Variants in NOTCH2NLC observed in about 807,000 individuals in gnomAD.
The protein encoded by NOTCH2NLC is notch 2 N-terminal like C, also known as notch homolog 2 N-terminal-like protein C.
NOTCH2NLC carries 4 observed loss-of-function variants against 17.7 expected under a neutral mutation model. The ratio of observed to expected loss-of-function variants is 0.23; its 90% CI spans 0.11 to 0.52. NOTCH2NLC has a LOEUF of 0.52. Among genes scored for constraint, NOTCH2NLC ranks in the 20% least tolerant of loss-of-function variants. The probability of loss-of-function intolerance (pLI) is 0.96; values close to 1 mark genes in which losing one functional copy is unlikely to be tolerated. For missense variants in NOTCH2NLC, 57 were observed against 207.2 expected, an observed-to-expected ratio of 0.28 and a Z score of 4.45; for synonymous variants, 18 against 86.0, an observed-to-expected ratio of 0.21 and a Z score of 4.38.
intron 1 of NOTCH2NLC, among the ~76,000 whole-genome samples, chr1:149,396,143 G>A (rs2084207326): frequency 6.9e-6 from 1 of 145,504 alleles, no homozygotes. Flanking sequence ...TTCCTTTGAA[G>A]AGATAGGATC....
rs2084674250 is a variant in NOTCH2NLC, at chr1:149,464,645, AATG to A, written c.*497_*499del. 1.3e-5 allele frequency: 2 copies of A among 149,038 alleles called. No individual in the cohort carries two copies. Among genetic ancestry groups the A allele is most frequent in the Middle Eastern group, 3.6e-3 (1 of 274 alleles). The allele number at this position is 149,038 out of a possible 1,614,324, so 9.2% of individuals were successfully genotyped here. Reference sequence around the variant, plus strand: ...GCCAATTCATTCAACTCCTTATAAAAATGATGAGGAGGCTGAAAACCAAGAATT... The same window carrying A: ...GCCAATTCATTCAACTCCTTATAAAAATGAGGAGGCTGAAAACCAAGAATT... On this transcript the variant is annotated 3_prime_UTR_variant, in exon 5 of 5. Coordinates refer to ENST00000650865, the MANE Select transcript of NOTCH2NLC (RefSeq NM_001364013.2).
At chr1:149,446,149 C>T (rs2084551901) in intron 2 of NOTCH2NLC, among the ~76,000 whole-genome samples, 1 of 94,698 alleles carries the variant, frequency 1.1e-5, no homozygotes, top group African/African-American at 4.2e-5. Flanking sequence ...CGTGAAAGAA[C>T]AAATTTTTCT....
Position 149,407,229 on chromosome 1 carries a change from G to T in NOTCH2NLC, c.135+16307G>T, listed in dbSNP as rs2084276546. Reference sequence around the variant, plus strand: ...AGGTTTAAAATGTTAGAAGCAGTTGGTTTTCAGCATTGGGAAAGCTTATCT... The same window carrying T: ...AGGTTTAAAATGTTAGAAGCAGTTGTTTTTCAGCATTGGGAAAGCTTATCT... On this transcript the variant is annotated intron_variant, in intron 1 of 4. Transcript: ENST00000650865. Among the ~76,000 whole-genome samples, 3 of 146,444 alleles carry T rather than the reference G, an allele frequency of 2.0e-5. No homozygotes were observed. In the Admixed American group the frequency reaches 2.1e-4, roughly 10 times the overall value.
chr1:149,460,566 T>A (rs1200280241), intron 3 of NOTCH2NLC, among the ~76,000 whole-genome samples: 1 of 150,034 alleles, frequency 6.7e-6, no homozygotes, highest in Non-Finnish European at 1.5e-5. Flanking sequence ...CTGGATCGCC[T>A]GACCTCATGA....
At chr1:149,419,178 C>G (rs2084364773) in intron 1 of NOTCH2NLC, among the ~76,000 whole-genome samples, 1 of 147,722 alleles carries the variant, frequency 6.8e-6, no homozygotes, top group Non-Finnish European at 1.5e-5. Context: ...GGGCTTACCC[C>G]CCATTTTAAA....
intron 1 of NOTCH2NLC, among the ~76,000 whole-genome samples, chr1:149,419,063 T>TC (rs1248758177): frequency 6.7e-6 from 1 of 149,762 alleles, no homozygotes; most frequent in Non-Finnish European, 1.5e-5. Context: ...TTCTTTTTTT[T>TC]CTTTTCTTTT....
intron 2 of NOTCH2NLC, among the ~76,000 whole-genome samples, chr1:149,445,762 C>T (rs2101499907): frequency 6.7e-6 from 1 of 150,194 alleles, no homozygotes; most frequent in African/African-American, 2.4e-5. Flanking sequence ...CCCCTTCGTT[C>T]CACATTCTGT....
rs1453136984 is a variant in NOTCH2NLC, at chr1:149,413,378, A to G, written c.136-17564A>G. On this transcript the variant is annotated intron_variant, in intron 1 of 4. Transcript: ENST00000650865. The stretch of plus-strand genomic sequence containing the variant: ...GGTGAAACCTGAAAAGGGAAGTTGA[A>G]TCTCAGCCTGCTCTGAGTAGGTGAA... 1.3e-5 allele frequency among the ~76,000 whole-genome samples: 2 copies of G among 151,234 alleles called. 1 individual carries two copies. The highest frequency in any genetic ancestry group is 1.3e-4 in the Admixed American group (2 of 15,184).
Position 149,408,625 on chromosome 1 carries a change from G to A in NOTCH2NLC, c.135+17703G>A, listed in dbSNP as rs1434926872. Among the ~76,000 whole-genome samples the A allele has an allele frequency of 2.0e-5, 3 of 151,218 alleles. 1 individual carries two copies. Among genetic ancestry groups the A allele is most frequent in the Non-Finnish European group, 4.4e-5 (3 of 67,640 alleles). On this transcript the variant is annotated intron_variant, in intron 1 of 4. Coordinates refer to ENST00000650865, the MANE Select transcript of NOTCH2NLC (RefSeq NM_001364013.2). The stretch of plus-strand genomic sequence containing the variant: ...ATTTCAGGGAATAAAATGTATGATG[G>A]CTAAAATTTTAACTCTGCCAAATGT...
chr1:149,462,923 C>T lies in NOTCH2NLC; in HGVS notation c.470-568C>T, dbSNP rs1455366247. Reference sequence around the variant, plus strand: ...CAATCTCGGCTCACTGCAACCTCCGCCTCCTGGGTTCAAGTGATTCTTCTG... The same window carrying T: ...CAATCTCGGCTCACTGCAACCTCCGTCTCCTGGGTTCAAGTGATTCTTCTG... On this transcript the variant is annotated intron_variant, in intron 3 of 4. Coordinates refer to ENST00000650865, the MANE Select transcript of NOTCH2NLC (RefSeq NM_001364013.2). Among the ~76,000 whole-genome samples, 2 of 145,478 alleles carry T rather than the reference C, an allele frequency of 1.4e-5. 1 individual carries two copies. Among genetic ancestry groups the T allele is most frequent in the Non-Finnish European group, 3.1e-5 (2 of 65,526 alleles).
chr1:149,397,959 T>C (rs1206613421), intron 1 of NOTCH2NLC, among the ~76,000 whole-genome samples: 1 of 128,100 alleles, frequency 7.8e-6, no homozygotes, highest in Non-Finnish European at 1.7e-5. Context: ...GTAGAAAATA[T>C]GGTCCTGCTC....
rs1205371373 is a variant in NOTCH2NLC, at chr1:149,460,331, A to G, written c.470-3160A>G. ...TGGTGTGTTCTGCAAGATTCTGATC[A>G]CCTTTTTTTTTTTTTTTTTTTTTTT... On this transcript the variant is annotated intron_variant, in intron 3 of 4. Coordinates refer to ENST00000650865, the MANE Select transcript of NOTCH2NLC (RefSeq NM_001364013.2). 3.8e-5 allele frequency among the ~76,000 whole-genome samples: 5 copies of G among 130,180 alleles called. No individual in the cohort carries two copies. In the East Asian group the frequency reaches 9.0e-4, roughly 24 times the overall value. The allele number at this position is 130,180 out of a possible 152,430, so 85.4% of individuals were successfully genotyped here.
Position 149,422,666 on chromosome 1 carries a change from A to ATCCTAATT in NOTCH2NLC, c.136-8274_136-8267dup, listed in dbSNP as rs1350909890. ...TGATCATTATTAGCAAATTGGCTAC[A>ATCCTAATT]TCCTAATTTGTAAGTATTTGTGGAT... On this transcript the variant is annotated intron_variant, in intron 1 of 4. Transcript: ENST00000650865. 2.6e-5 allele frequency among the ~76,000 whole-genome samples: 3 copies of ATCCTAATT among 115,690 alleles called. 1 individual carries two copies. Among genetic ancestry groups the ATCCTAATT allele is most frequent in the Non-Finnish European group, 5.4e-5 (3 of 55,734 alleles). 75.9% of individuals were successfully genotyped at this position (115,690 alleles called of 152,430 possible). A position where few individuals can be genotyped will look rare whatever the true frequency, so the allele number is the denominator to read the frequency against.
chr1:149,451,359 AAG>A (rs1455703928), intron 2 of NOTCH2NLC, among the ~76,000 whole-genome samples: 6 of 149,794 alleles, frequency 4.0e-5, no homozygotes, highest in African/African-American at 1.5e-4. Context: ...ATGGAAAAGA[AAG>A]AGAAATATCT....
chr1:149,430,044 T>C (rs1276313191), intron 1 of NOTCH2NLC, among the ~76,000 whole-genome samples: 1 of 150,524 alleles, frequency 6.6e-6, no homozygotes, highest in Admixed American at 6.6e-5. Context: ...AATCAAGATA[T>C]TGTAATTATC....
chr1:149,444,878 C>T lies in NOTCH2NLC; in HGVS notation c.210-10440C>T, dbSNP rs1461634104. ...CCAGTTCTGGACACCAATCTATACA[C>T]AAATACTTTTTTTTAAAGTTCTTTT... On this transcript the variant is annotated intron_variant, in intron 2 of 4. Coordinates refer to ENST00000650865, the MANE Select transcript of NOTCH2NLC (RefSeq NM_001364013.2). Among the ~76,000 whole-genome samples the T allele has an allele frequency of 1.0e-4, 15 of 147,782 alleles. 1 individual carries two copies. Among genetic ancestry groups the T allele is most frequent in the African/African-American group, 3.5e-4 (14 of 39,994 alleles).
chr1:149,429,251 T>A (rs1226061695), intron 1 of NOTCH2NLC, among the ~76,000 whole-genome samples: 1 of 150,542 alleles, frequency 6.6e-6, no homozygotes, highest in Non-Finnish European at 1.5e-5. Flanking sequence ...AGTGGTGCGA[T>A]GCCCCATAAA....
At chr1:149,406,460 A>T (rs2084268686) in intron 1 of NOTCH2NLC, 2 of 148,240 alleles carry the variant, frequency 1.3e-5, no homozygotes, top group African/African-American at 4.9e-5. Context: ...GAAGGAGAGG[A>T]TGCCAAGGGA....
intron 1 of NOTCH2NLC, among the ~76,000 whole-genome samples, chr1:149,402,080 T>A (rs1323418514): frequency 6.7e-6 from 1 of 149,506 alleles, no homozygotes; most frequent in Non-Finnish European, 1.5e-5. Context: ...GTGGCTTGAT[T>A]TTTCTTTTTT....
Sources: gnomAD v4.1 joint callset for allele counts (sites outside exome capture counted in the v4.1 genomes callset) on GRCh38, gnomAD v4.1.1 for gene constraint, MANE v1.5 for transcripts, NCBI Gene and HGNC (gene_info 2026-07-23, HGNC 2026-07-21) for gene names.